ARL6: variants seen among roughly 807,000 people sequenced by gnomAD.
The protein encoded by ARL6 is ADP-ribosylation factor-like protein 6.
ARL6 carries 18 observed loss-of-function variants against 27.1 expected under a neutral mutation model. The ratio of observed to expected loss-of-function variants is 0.66; its 90% confidence interval spans 0.46 to 0.98. The LOEUF (loss-of-function observed/expected upper bound fraction) is 0.98, where lower values mean the gene tolerates loss of function less well. Among genes scored for constraint, ARL6 ranks in the 50% least tolerant of loss-of-function variants. The pLI is 0.00. For missense variants in ARL6, 187 were observed against 214.9 expected (o/e 0.87, Z 0.81); for synonymous variants, 65 against 72.3 (o/e 0.90, Z 0.51).
At chr3:97,765,209 GGGGTGTGT>G (rs1330268361) in intron 1 of ARL6, among the ~76,000 whole-genome samples, 1,446 of 128,102 alleles carry the variant, frequency 0.011, 11 homozygotes, top group African/African-American at 0.035. Context: ...CCGTGTATTG[GGGGTGTGT>G]GTGTGTGTGT....
chr3:97,785,792 G>A lies in ARL6; in HGVS notation c.349+743G>A, dbSNP rs527382526. Among the ~76,000 whole-genome samples the A allele has an allele frequency of 3.3e-5, 5 of 152,164 alleles. No homozygotes were observed. The East Asian group carries it at 9.6e-4, about 29-fold the overall frequency. ...TACAAACAGTGCTCCAGTAAGTATT[G>A]TGGAACTCTGCATTTCTAGCCTTCC... On this transcript the variant is annotated intron_variant, in intron 5 of 7. Transcript: ENST00000463745.
intron 7 of ARL6, among the ~76,000 whole-genome samples, chr3:97,793,011 T>C (rs2037820276): frequency 6.6e-6 from 1 of 152,166 alleles, no homozygotes; most frequent in Admixed American, 6.5e-5. Context: ...AGCAGGGATA[T>C]AGCACATATC....
chr3:97,782,327 A>C (rs1204434951), intron 4 of ARL6, among the ~76,000 whole-genome samples: 1 of 151,950 alleles, frequency 6.6e-6, no homozygotes, highest in Non-Finnish European at 1.5e-5. Flanking sequence ...GTAGGAAAGT[A>C]AACTTTGTTT....
intron 3 of ARL6, 68 bp downstream of exon 3, chr3:97,780,288 A>G (rs2037126951): frequency 1.7e-6 from 2 of 1,209,190 alleles, no homozygotes; most frequent in Non-Finnish European, 2.4e-6. Flanking sequence ...CTACCTGGTC[A>G]TTCTTCCTAC....
Position 97,780,209 on chromosome 3 carries a change from C to A in ARL6, c.174C>A (p.Phe58Leu). 6.2e-7 allele frequency: 1 copy of A among 1,612,192 alleles called. No homozygotes were observed. The highest frequency in any genetic ancestry group is 1.1e-5 in the South Asian group (1 of 90,864). ...CAATAGGATTCAGCATAGAGAAATTCAAATCATCCAGGTAATCCACTTTAT... is the reference window on the plus strand; with the variant it reads ...CAATAGGATTCAGCATAGAGAAATTAAAATCATCCAGGTAATCCACTTTAT... The part of the protein sequence containing the change: ...LPTIGFSIEK[F>L]KSSSLSFTVF... Residue 58 changes from phenylalanine to leucine, a missense_variant, in exon 3 of 8, where the codon TTC becomes TTA. Phe to Leu is a conservative substitution (Grantham distance 22, BLOSUM62 0). Transcript: ENST00000463745.
chr3:97,778,133 A>C (rs2037000054), intron 2 of ARL6, among the ~76,000 whole-genome samples: 1 of 152,162 alleles, frequency 6.6e-6, no homozygotes, highest in Non-Finnish European at 1.5e-5. Flanking sequence ...GGCACATTTA[A>C]AGCCCTTAAA....
chr3:97,774,275 C>T (rs558152539), intron 2 of ARL6, among the ~76,000 whole-genome samples: 6 of 152,282 alleles, frequency 3.9e-5, no homozygotes, highest in Admixed American at 2.0e-4. Flanking sequence ...CTCAACCTTA[C>T]CTCTGGGGCC....
intron 7 of ARL6, among the ~76,000 whole-genome samples, 173 bp from the exon 8 acceptor site, chr3:97,797,851 G>A (rs1177378212): frequency 6.6e-6 from 1 of 152,140 alleles, no homozygotes. Context: ...GCACCCAGAA[G>A]TTCCAGTACA....
intron 7 of ARL6, among the ~76,000 whole-genome samples, chr3:97,796,221 T>C (rs1440590051): frequency 6.6e-6 from 1 of 152,034 alleles, no homozygotes; most frequent in East Asian, 1.9e-4. Context: ...TTCGAGTAAG[T>C]AGAATTTATA....
intron 7 of ARL6, among the ~76,000 whole-genome samples, chr3:97,793,022 A>G (rs563939201): frequency 1.8e-4 from 27 of 152,262 alleles, no homozygotes; most frequent in Admixed American, 3.3e-4. Context: ...AGCACATATC[A>G]TGGTAGATCT....
rs1328366762 is a variant in ARL6, at chr3:97,800,506, G to C, written c.*2457G>C. ...GTTAAATATTTAAATATTTGTATAT[G>C]GCCCTATTCAGCCTGTGCTTTATAA... On this transcript the variant is annotated 3_prime_UTR_variant, in exon 8 of 8. Transcript: ENST00000463745. The C allele has an allele frequency of 1.3e-5, 2 of 152,046 alleles. No individual in the cohort carries two copies. Among genetic ancestry groups the C allele is most frequent in the Non-Finnish European group, 2.9e-5 (2 of 68,008 alleles). The allele number at this position is 152,046 out of a possible 1,614,324, so 9.4% of individuals were successfully genotyped here.
chr3:97,773,708 C>A (rs1209894152), intron 2 of ARL6, among the ~76,000 whole-genome samples: 1 of 152,136 alleles, frequency 6.6e-6, no homozygotes, highest in Non-Finnish European at 1.5e-5. Flanking sequence ...AATATATTTT[C>A]ATAGTACAAG....
At chr3:97,774,372 G>GGA (rs201900846) in intron 2 of ARL6, among the ~76,000 whole-genome samples, 5,842 of 152,162 alleles carry the variant, frequency 0.038, 206 homozygotes, top group African/African-American at 0.094. Flanking sequence ...GGGGTATTGA[G>GGA]GGTGACTCTT....
rs182067500 is a variant in ARL6 at position 97,800,011 on chromosome 3, T to C, written c.*1962T>C. ...CTCTTTGCTTTTTTTGTTTTCTTTTTTTTTCTTTTAAAGCTATTAACACTA... is the reference window on the plus strand; with the variant it reads ...CTCTTTGCTTTTTTTGTTTTCTTTTCTTTTCTTTTAAAGCTATTAACACTA... On this transcript the variant is annotated 3_prime_UTR_variant, in exon 8 of 8. Transcript: ENST00000463745. 3.3e-5 allele frequency: 5 copies of C among 152,134 alleles called. No homozygotes were observed. The highest frequency in any genetic ancestry group is 9.6e-5 in the African/African-American group (4 of 41,452). 9.4% of individuals were successfully genotyped at this position (152,134 alleles called of 1,614,324 possible).
intron 2 of ARL6, 123 bp downstream of exon 2, chr3:97,768,353 G>A (rs2036483377): frequency 1.1e-6 from 1 of 940,438 alleles, no homozygotes. Context: ...TAACCTTTCA[G>A]TACCTTTAAG....
At chr3:97,787,832 GC>G (rs1357950378) in intron 5 of ARL6, among the ~76,000 whole-genome samples, 157 bp from the exon 6 acceptor site, 1 of 151,964 alleles carries the variant, frequency 6.6e-6, no homozygotes, top group African/African-American at 2.4e-5. Flanking sequence ...TCAAATACAT[GC>G]CTAACAGTGT....
chr3:97,792,786 T>G (rs1013343802), intron 7 of ARL6, among the ~76,000 whole-genome samples: 4 of 152,192 alleles, frequency 2.6e-5, no homozygotes, highest in African/African-American at 4.8e-5. Context: ...AGGTTCTTAT[T>G]GCAGGATCCT....
rs183095180 is a variant in ARL6, at chr3:97,784,513, G to A, written c.255-442G>A. Reference sequence around the variant, plus strand: ...AAAAAAATCAAGGAAATTTACATATGTATTGCAAAGGCAAGGTGTAATACA... The same window carrying A: ...AAAAAAATCAAGGAAATTTACATATATATTGCAAAGGCAAGGTGTAATACA... On this transcript the variant is annotated intron_variant, in intron 4 of 7. Coordinates refer to ENST00000463745, the MANE Select transcript of ARL6 (RefSeq NM_001278293.3). 6.6e-3 allele frequency among the ~76,000 whole-genome samples: 992 copies of A among 150,842 alleles called. 7 individuals are homozygous for A. Among genetic ancestry groups the A allele is most frequent in the Middle Eastern group, 0.021 (6 of 282 alleles).
At chr3:97,776,036 T>C (rs755475484) in intron 2 of ARL6, among the ~76,000 whole-genome samples, 3 of 152,336 alleles carry the variant, frequency 2.0e-5, no homozygotes, top group Admixed American at 6.5e-5. Context: ...AATGGGGTGT[T>C]GAAGTCCTCT....
Sources: allele counts gnomAD v4.1 joint callset (sites outside exome capture counted in the v4.1 genomes callset), GRCh38; gene constraint gnomAD v4.1.1; transcripts MANE v1.5; gene names NCBI Gene and HGNC (gene_info 2026-07-23, HGNC 2026-07-21).